Variants in RNF24 observed in about 807,000 individuals in gnomAD.
RNF24 encodes ring finger protein 24.
RNF24 carries 14 observed loss-of-function variants against 20.0 expected under a neutral mutation model. That is an observed-to-expected ratio of 0.70 (90% CI 0.46 to 1.10). The LOEUF (loss-of-function observed/expected upper bound fraction) is 1.10. RNF24 is among the 50% of genes least tolerant of loss of function. RNF24 has a pLI of 0.00. For synonymous variants in RNF24, 45 were observed against 61.1 expected (o/e 0.74, Z 1.23); for missense variants, 124 against 177.6 (o/e 0.70, Z 1.71).
chr20:4,009,367 C>T (rs925001004), intron 1 of RNF24, among the ~76,000 whole-genome samples: 1 of 152,066 alleles, frequency 6.6e-6, no homozygotes, highest in Admixed American at 6.6e-5. Flanking sequence ...ACATGGATAG[C>T]CCCCTGGAGA....
At chr20:3,970,939 G>A (rs1303820699) in intron 1 of RNF24, among the ~76,000 whole-genome samples, 1 of 152,048 alleles carries the variant, frequency 6.6e-6, no homozygotes, top group Non-Finnish European at 1.5e-5. Context: ...CCAGCTACTC[G>A]GCAAGCTGAG....
intron 1 of RNF24, among the ~76,000 whole-genome samples, chr20:3,990,138 TAAG>T (rs1224589330): frequency 6.6e-6 from 1 of 152,118 alleles, no homozygotes; most frequent in African/African-American, 2.4e-5. Context: ...GAGCTGTACC[TAAG>T]GTTTAAATAT....
chr20:3,974,063 T>TAA (rs151190219), intron 1 of RNF24, among the ~76,000 whole-genome samples: 62 of 140,584 alleles, frequency 4.4e-4, no homozygotes, highest in Non-Finnish European at 3.6e-4. Flanking sequence ...GGCTTAATAT[T>TAA]AAAAAAAAAA....
chr20:3,942,442 T>C (rs918636168), intron 4 of RNF24, among the ~76,000 whole-genome samples: 3 of 151,846 alleles, frequency 2.0e-5, no homozygotes. Flanking sequence ...AAGTTGGAAT[T>C]ACAAGTGTGA....
At chr20:4,005,620 G>C (rs1885243997) in intron 1 of RNF24, among the ~76,000 whole-genome samples, 1 of 152,080 alleles carries the variant, frequency 6.6e-6, no homozygotes, top group African/African-American at 2.4e-5. Flanking sequence ...AAGATAAAGA[G>C]ACTATTTAGA....
In RNF24 at chr20:3,932,159, G is replaced by A. The variant is rs1311711328; in HGVS notation, c.*1904C>T. On this transcript the variant is annotated 3_prime_UTR_variant, in exon 6 of 6. Coordinates refer to ENST00000358395, the MANE Select transcript of RNF24 (RefSeq NM_001134337.3). Reference sequence around the variant, plus strand: ...AAAATGGTGGCTGCTGGCAATTAGTGAGGCTAGTCCAGAAGCAAGCCTCCT... The same window carrying A: ...AAAATGGTGGCTGCTGGCAATTAGTAAGGCTAGTCCAGAAGCAAGCCTCCT... The A allele has an allele frequency of 6.6e-6, 1 of 151,844 alleles. No homozygotes were observed. The highest frequency in any genetic ancestry group is 2.4e-5 in the African/African-American group (1 of 41,104). 9.4% of individuals were successfully genotyped at this position (151,844 alleles called of 1,614,324 possible). A position where few individuals can be genotyped will look rare whatever the true frequency, so the allele number is the denominator to read the frequency against.
At chr20:3,977,245 T>A (rs1978942231) in intron 1 of RNF24, among the ~76,000 whole-genome samples, 1 of 152,186 alleles carries the variant, frequency 6.6e-6, no homozygotes, top group Admixed American at 6.5e-5. Flanking sequence ...CAGCAAAGCA[T>A]GGAAGATGGA....
At chr20:4,010,395 T>C (rs1466427672) in intron 1 of RNF24, among the ~76,000 whole-genome samples, 1 of 152,118 alleles carries the variant, frequency 6.6e-6, no homozygotes, top group Non-Finnish European at 1.5e-5. Flanking sequence ...ATAATATGTA[T>C]CCATGAGATA....
At chr20:3,970,930 C>T (rs1978325775) in intron 1 of RNF24, among the ~76,000 whole-genome samples, 1 of 152,072 alleles carries the variant, frequency 6.6e-6, no homozygotes, top group South Asian at 2.1e-4. Context: ...CCTGTAATCC[C>T]AGCTACTCGG....
At chr20:3,942,736 G>A (rs548247792) in intron 4 of RNF24, among the ~76,000 whole-genome samples, 2 of 152,020 alleles carry the variant, frequency 1.3e-5, no homozygotes, top group Non-Finnish European at 2.9e-5. Context: ...GCCTCCCAAA[G>A]TGCTGGGATT....
At chr20:3,955,993 T>G (rs1443811408) in intron 2 of RNF24, among the ~76,000 whole-genome samples, 2 of 152,210 alleles carry the variant, frequency 1.3e-5, no homozygotes, top group African/African-American at 4.8e-5. Context: ...TCTGAAAGTT[T>G]GCTGAATTTA....
chr20:3,943,991 C>A (rs537837112), intron 4 of RNF24, among the ~76,000 whole-genome samples: 1 of 152,052 alleles, frequency 6.6e-6, no homozygotes, highest in Non-Finnish European at 1.5e-5. Flanking sequence ...GGGTGGATTA[C>A]GTGAGGTCAG....
chr20:3,967,674 G>A (rs1035824410), intron 1 of RNF24, among the ~76,000 whole-genome samples: 31 of 152,114 alleles, frequency 2.0e-4, no homozygotes, highest in African/African-American at 7.5e-4. Flanking sequence ...CATCTTCCCA[G>A]GAGTCAATAT....
intron 1 of RNF24, among the ~76,000 whole-genome samples, chr20:3,993,466 T>C (rs1189232649): frequency 1.3e-5 from 2 of 152,140 alleles, no homozygotes; most frequent in Non-Finnish European, 2.9e-5. Context: ...TTTGTATTTT[T>C]AGTAGAGACA....
Position 3,932,965 on chromosome 20 carries a change from G to C in RNF24, c.*1098C>G, listed in dbSNP as rs1240249284. On this transcript the variant is annotated 3_prime_UTR_variant, in exon 6 of 6. Transcript: ENST00000358395. ...ACACCAACGGTGGACAGCCCTGCAG[G>C]AGCTTCCTGAAACTATCTACAATTC... is the stretch of plus-strand genomic sequence containing the variant. The C allele has an allele frequency of 2.5e-6, 1 of 398,168 alleles. No individual in the cohort carries two copies. The highest frequency in any genetic ancestry group is 4.4e-6 in the Non-Finnish European group (1 of 226,034). The allele number at this position is 398,168 out of a possible 1,614,324, so 24.7% of individuals were successfully genotyped here. A position where few individuals can be genotyped will look rare whatever the true frequency, so the allele number is the denominator to read the frequency against.
intron 1 of RNF24, chr20:3,974,463 A>T: frequency 7.2e-7 from 1 of 1,397,406 alleles, no homozygotes; most frequent in Non-Finnish European, 9.4e-7. Context: ...GGAAGAAATT[A>T]AACTGAGCCT....
At chr20:4,008,286 G>A (rs1386219903) in intron 1 of RNF24, among the ~76,000 whole-genome samples, 1 of 130,330 alleles carries the variant, frequency 7.7e-6, no homozygotes, top group Non-Finnish European at 1.5e-5. Flanking sequence ...TCTGATGCCA[G>A]AGTCCAGGTG....
At chr20:3,971,391 A>C (rs1370486138) in intron 1 of RNF24, among the ~76,000 whole-genome samples, 2 of 152,224 alleles carry the variant, frequency 1.3e-5, no homozygotes, top group Non-Finnish European at 2.9e-5. Flanking sequence ...TCTTAACAGA[A>C]GGGAAATGAT....
chr20:3,933,430 G>A lies in RNF24; in HGVS notation c.*633C>T. ...GAAATGATAAGAGGAAATGGCTTCT[G>A]ACTAGGCCTTTCCAAGCGCATCTCA... On this transcript the variant is annotated 3_prime_UTR_variant, in exon 6 of 6. Coordinates refer to ENST00000358395, the MANE Select transcript of RNF24 (RefSeq NM_001134337.3). The A allele has an allele frequency of 2.7e-6, 1 of 373,056 alleles. No homozygotes were observed. Among genetic ancestry groups the A allele is most frequent in the East Asian group, 3.9e-5 (1 of 25,688 alleles). The allele number at this position is 373,056 out of a possible 1,614,324, so 23.1% of individuals were successfully genotyped here.
Sources: gnomAD v4.1 joint callset for allele counts (sites outside exome capture counted in the v4.1 genomes callset) on GRCh38, gnomAD v4.1.1 for gene constraint, MANE v1.5 for transcripts, NCBI Gene and HGNC (gene_info 2026-07-23, HGNC 2026-07-21) for gene names.